The following IL4R variants were observed in gnomAD, a reference collection of about 807,000 sequenced individuals.
IL4R encodes the protein interleukin 4 receptor.
Under a neutral mutation model 41.5 loss-of-function variants are expected in IL4R, and 17 were observed. The ratio of observed to expected loss-of-function variants is 0.41; its 90% CI spans 0.28 to 0.61. The LOEUF is 0.61. IL4R is among the 20% of genes least tolerant of loss of function. The pLI is 0.31. For synonymous variants in IL4R, 402 were observed against 422.9 expected (o/e 0.95, Z 0.61); for missense variants, 974 against 1,043.1 (o/e 0.93, Z 0.91).
Position 27,363,692 on chromosome 16 carries a change from G to C in IL4R, c.2340G>C (p.Leu780=), listed in dbSNP as rs753066262. 29 of 1,613,788 alleles carry C rather than the reference G, an allele frequency of 1.8e-5. No individual in the cohort carries two copies. The Admixed American group carries it at 2.0e-4, about 11-fold the overall frequency. The change falls in exon 11 of 11, where the codon CTG becomes CTC. Residue 780 remains leucine, a synonymous_variant. Transcript: ENST00000395762. The stretch of plus-strand genomic sequence containing the variant: ...AGGCCAGTCTGTGTCCGGCCTCCCT[G>C]GCACCCTCGGGCATCTCAGAGAAGA... ...PLEASLCPAS[L]APSGISEKSK...
intron 2 of IL4R, among the ~76,000 whole-genome samples, chr16:27,330,560 AT>A (rs1301359925): frequency 6.6e-6 from 1 of 151,938 alleles, no homozygotes; most frequent in Non-Finnish European, 1.5e-5. Flanking sequence ...ACTTGTACTC[AT>A]TTTTGTGTTT....
At position 27,363,413 on chromosome 16, in the gene IL4R, G is replaced by T; in HGVS notation, c.2061G>T (p.Glu687Asp). ...GTCTGGAGCCGGGGGAAAAGGTAGA[G>T]GACATGCCAAAGCCCCCACTTCCCC... ...HLGLEPGEKV[E>D]DMPKPPLPQE... The change falls in exon 11 of 11, where the codon GAG becomes GAT. Residue 687 changes from glutamate to aspartate, a missense_variant. Physicochemically the swap from Glu to Asp is conservative, Grantham distance 45. Around this residue, in one of 3 missense-constraint regions of IL4R, gnomAD observed 682 missense variants for 704.3 expected, o/e 0.97. Transcript: ENST00000395762. 6.2e-7 allele frequency: 1 copy of T among 1,614,150 alleles called. No homozygotes were observed. The highest frequency in any genetic ancestry group is 1.3e-5 in the African/African-American group (1 of 75,054).
In IL4R at chr16:27,345,237, A is replaced by G. The variant is rs1398913430; in HGVS notation, c.361+217A>G. On this transcript the variant is annotated intron_variant, in intron 5 of 10. Transcript: ENST00000395762. This position sits in a 1 kb window ranked among gnomAD's most constrained non-coding sequence, Gnocchi z 4.5. ...CGCAGTAGACCACCAAGCCCCCTTC[A>G]GCCCAGCTGTTTCCACCCCTGAACT... The G allele has an allele frequency of 1.0e-5, 7 of 692,774 alleles. No individual in the cohort carries two copies. The highest frequency in any genetic ancestry group is 1.8e-5 in the Non-Finnish European group (7 of 382,048). 42.9% of individuals were successfully genotyped at this position (692,774 alleles called of 1,614,324 possible).
In IL4R at chr16:27,337,619, G is replaced by A. The variant is rs116366077; in HGVS notation, c.-18-2567G>A. On this transcript the variant is annotated intron_variant, in intron 2 of 10. Coordinates refer to ENST00000395762, the MANE Select transcript of IL4R (RefSeq NM_000418.4). The stretch of plus-strand genomic sequence containing the variant: ...TTTTGCAACAGGGTCTCACTGTGTC[G>A]CCCAGCCTAGAGTGCAGTGGTGCCA... Among the ~76,000 whole-genome samples, 501 of 144,400 alleles carry A rather than the reference G, an allele frequency of 3.5e-3. 7 individuals carry two copies. Among genetic ancestry groups the A allele is most frequent in the African/African-American group, 0.012 (483 of 38,856 alleles). 94.7% of individuals were successfully genotyped at this position (144,400 alleles called of 152,430 possible). A position where few individuals can be genotyped will look rare whatever the true frequency, so the allele number is the denominator to read the frequency against.
In IL4R at chr16:27,345,900, A is replaced by G. The variant is rs947826558; in HGVS notation, c.362-567A>G. ...GGTAGGAGAATGGCTTGAACCCAGG[A>G]GAAGGAGGTTGCAGTGAGCTTAGAT... On this transcript the variant is annotated intron_variant, in intron 5 of 10. Transcript: ENST00000395762. This position sits in a 1 kb window ranked among gnomAD's most constrained non-coding sequence, Gnocchi z 4.5. Among the ~76,000 whole-genome samples, 2 of 152,242 alleles carry G rather than the reference A, an allele frequency of 1.3e-5. No homozygotes were observed. The highest frequency in any genetic ancestry group is 1.9e-4 in the East Asian group (1 of 5,204).
intron 2 of IL4R, among the ~76,000 whole-genome samples, chr16:27,331,910 T>C (rs1230806384): frequency 2.0e-5 from 3 of 152,124 alleles, no homozygotes; most frequent in African/African-American, 7.2e-5. Context: ...TAAGGATTGT[T>C]ATTTACATCT....
At chr16:27,357,778 G>T (rs2086132282) in intron 8 of IL4R, among the ~76,000 whole-genome samples, 1 of 150,896 alleles carries the variant, frequency 6.6e-6, no homozygotes, top group South Asian at 2.1e-4. Flanking sequence ...CTTACATTTT[G>T]TAGAGACTGG....
At chr16:27,354,349 C>T (rs1232159127) in intron 7 of IL4R, among the ~76,000 whole-genome samples, 2 of 152,168 alleles carry the variant, frequency 1.3e-5, no homozygotes, top group African/African-American at 2.4e-5. Flanking sequence ...CTCAGGTTGG[C>T]CGTTGCACAC....
At chr16:27,333,566 G>A (rs1252391207) in intron 2 of IL4R, among the ~76,000 whole-genome samples, 1 of 152,140 alleles carries the variant, frequency 6.6e-6, no homozygotes, top group Non-Finnish European at 1.5e-5. Flanking sequence ...TGGGATAACA[G>A]CCTACCTTTC....
At chr16:27,319,826 A>G (rs974040391) in intron 1 of IL4R, among the ~76,000 whole-genome samples, 8 of 152,108 alleles carry the variant, frequency 5.3e-5, no homozygotes, top group African/African-American at 1.9e-4. Flanking sequence ...ACAGGAGCAC[A>G]AACCCTTTTG....
chr16:27,316,047 A>C (rs989512024), intron 1 of IL4R, among the ~76,000 whole-genome samples: 7 of 152,176 alleles, frequency 4.6e-5, no homozygotes, highest in African/African-American at 1.7e-4. Flanking sequence ...TAATGCTCCC[A>C]GTTCAAAAAG....
chr16:27,351,720 G>A (rs3024602), intron 6 of IL4R, among the ~76,000 whole-genome samples: 12,173 of 151,976 alleles, frequency 0.08, 552 homozygotes, highest in Middle Eastern at 0.12. Context: ...TCACCATGTT[G>A]GCCAGGCTGG....
rs1190087339 is a variant in IL4R at position 27,362,654 on chromosome 16, AC to A, written c.1304del (p.Pro435LeufsTer48). 7 of 1,613,874 alleles carry A rather than the reference AC, an allele frequency of 4.3e-6. No homozygotes were observed. The highest frequency in any genetic ancestry group is 5.9e-6 in the Non-Finnish European group (7 of 1,179,972). On this transcript the variant is annotated frameshift_variant, in exon 11 of 11. Transcript: ENST00000395762. LOFTEE classifies it low-confidence loss of function (END_TRUNC). ...ACATGGGGGAGTCATGCCTTCTTCC[AC>A]CTTCGGGAAGTACGAGTGCTCACAT... ...QDMGESCLLP[P>X]SGSTSAHMPW...
intron 3 of IL4R, among the ~76,000 whole-genome samples, chr16:27,340,625 G>A (rs1226793541): frequency 6.6e-6 from 1 of 152,182 alleles, no homozygotes; most frequent in Non-Finnish European, 1.5e-5. Flanking sequence ...AGGAGGCCGA[G>A]GTGGGAGGAT....
In IL4R at chr16:27,319,573, C is replaced by T. The variant is rs1075624; in HGVS notation, c.-152+5553C>T. Among the ~76,000 whole-genome samples the T allele has an allele frequency of 8.7e-3, 1,327 of 152,312 alleles. 21 individuals are homozygous for T. Among genetic ancestry groups the T allele is most frequent in the African/African-American group, 0.03 (1,250 of 41,554 alleles). ...AGAAATACTGTGAATGTGGGCAGCG[C>T]AGGACTGGTTCCTCCAAGCCCCATT... On this transcript the variant is annotated intron_variant, in intron 1 of 10. Transcript: ENST00000395762.
chr16:27,333,938 AGTG>A (rs2085182253), intron 2 of IL4R, among the ~76,000 whole-genome samples: 1 of 151,424 alleles, frequency 6.6e-6, no homozygotes, highest in Non-Finnish European at 1.5e-5. Flanking sequence ...GCTGGAGTGC[AGTG>A]GCTCAATCTT....
chr16:27,349,204 G>A (rs1302993413), intron 6 of IL4R, among the ~76,000 whole-genome samples: 1 of 152,214 alleles, frequency 6.6e-6, no homozygotes, highest in Non-Finnish European at 1.5e-5. Flanking sequence ...ATGAGGGTTG[G>A]CCCTGGAGTT....
At position 27,345,038 on chromosome 16, in the gene IL4R, C is replaced by T. The variant is rs2074572; in HGVS notation, c.361+18C>T. 0.37 allele frequency: 554,737 copies of T among 1,493,552 alleles called. 97,970 individuals carry two copies. Among genetic ancestry groups the T allele is most frequent in the East Asian group, 0.48 (18,606 of 38,388 alleles). The allele number at this position is 1,493,552 out of a possible 1,614,324, so 92.5% of individuals were successfully genotyped here. On this transcript the variant is annotated intron_variant, in intron 5 of 10. Coordinates refer to ENST00000395762, the MANE Select transcript of IL4R (RefSeq NM_000418.4). The surrounding 1 kb of genome is among the most constrained non-coding windows in gnomAD (Gnocchi z 4.5). ...CGAGCATGGTGAGCAGGGCGGAGTGCGGCAGGGGTGGCTGGGTGTGTTCCC... is the reference window on the plus strand; with the variant it reads ...CGAGCATGGTGAGCAGGGCGGAGTGTGGCAGGGGTGGCTGGGTGTGTTCCC...
chr16:27,320,577 C>G (rs2084785845), intron 1 of IL4R, among the ~76,000 whole-genome samples: 1 of 152,150 alleles, frequency 6.6e-6, no homozygotes, highest in African/African-American at 2.4e-5. Flanking sequence ...GGCTACAGAC[C>G]CAGAAGCCTG....
Sources: allele counts gnomAD v4.1 joint callset (sites outside exome capture counted in the v4.1 genomes callset), GRCh38; gene constraint gnomAD v4.1.1; regional missense constraint gnomAD v4.1.1; non-coding constraint Gnocchi (gnomAD v3.1); transcripts MANE v1.5; gene names NCBI Gene and HGNC (gene_info 2026-07-23, HGNC 2026-07-21).